The following PDE1A variants were observed in gnomAD, a reference collection of about 807,000 sequenced individuals.
The protein encoded by PDE1A is dual specificity calcium/calmodulin-dependent 3',5'-cyclic nucleotide phosphodiesterase 1A.
Under a neutral mutation model 61.7 loss-of-function variants are expected in PDE1A, and 35 were observed. The ratio of observed to expected loss-of-function variants is 0.57; its 90% CI spans 0.43 to 0.75. The LOEUF (loss-of-function observed/expected upper bound fraction) is 0.75. PDE1A is among the 30% of genes least tolerant of loss of function. PDE1A has a pLI of 0.00. For missense variants in PDE1A, 597 were observed against 630.6 expected (o/e 0.95, Z 0.57); for synonymous variants, 232 against 213.2 (o/e 1.09, Z -0.77).
chr2:182,599,191 A>ACTGC, the PDE1A span, among the ~76,000 whole-genome samples: 1 of 152,062 alleles, frequency 6.6e-6, no homozygotes, highest in African/African-American at 2.4e-5. Flanking sequence ...GACTGCTCCC[A>ACTGC]CTGCCTGGCT....
At chr2:182,523,953 C>T (rs916211201), upstream of PDE1A, among the ~76,000 whole-genome samples, 3 of 152,068 alleles carry the variant, frequency 2.0e-5, no homozygotes, top group African/African-American at 7.2e-5. Context: ...TTCTGATTTG[C>T]AAATTATAAG....
intron 1 of PDE1A, among the ~76,000 whole-genome samples, chr2:182,359,751 A>C (rs1449920047): frequency 2.6e-5 from 4 of 152,130 alleles, no homozygotes; most frequent in Non-Finnish European, 5.9e-5. Context: ...AAAAGGTTAC[A>C]GAAGGCATTT....
At chr2:182,306,481 C>A (rs62190531) in intron 1 of PDE1A, among the ~76,000 whole-genome samples, 57,513 of 151,402 alleles carry the variant, frequency 0.38, 11,488 homozygotes, top group Non-Finnish European at 0.47. Context: ...TGGAACCACA[C>A]ACACACACAC....
At chr2:182,696,265 G>A in the PDE1A span, among the ~76,000 whole-genome samples, 2 of 152,126 alleles carry the variant, frequency 1.3e-5, no homozygotes, top group Non-Finnish European at 2.9e-5. Flanking sequence ...TCCAGACAAC[G>A]GGATATTATT....
intron 1 of PDE1A, among the ~76,000 whole-genome samples, chr2:182,289,920 TGGATCAA>T (rs1384309709): frequency 6.6e-6 from 1 of 152,124 alleles, no homozygotes. Context: ...CAGCTATGTA[TGGATCAA>T]ACATATTCTG....
chr2:182,541,372 T>C, the PDE1A span, among the ~76,000 whole-genome samples: 1 of 152,156 alleles, frequency 6.6e-6, no homozygotes, highest in Non-Finnish European at 1.5e-5. Context: ...CCAACAGAGA[T>C]TAAGATAAGC....
chr2:182,359,871 A>T (rs904914660), intron 1 of PDE1A, among the ~76,000 whole-genome samples: 1 of 152,150 alleles, frequency 6.6e-6, no homozygotes, highest in African/African-American at 2.4e-5. Flanking sequence ...TTATCTTGAG[A>T]TTGCCAAGGA....
intron 2 of PDE1A, among the ~76,000 whole-genome samples, chr2:182,464,780 A>T (rs777511898): frequency 1.1e-4 from 16 of 152,160 alleles, no homozygotes; most frequent in Admixed American, 2.6e-4. Flanking sequence ...GTAAGGAGGG[A>T]TTCTGGCTAA....
Position 182,385,985 on chromosome 2 carries a change from G to T in PDE1A, c.53+40593C>A, listed in dbSNP as rs995986191. 2.6e-5 allele frequency among the ~76,000 whole-genome samples: 4 copies of T among 152,170 alleles called. No individual in the cohort carries two copies. The South Asian group carries it at 8.3e-4, about 31-fold the overall frequency. On this transcript the variant is annotated intron_variant, in intron 1 of 13. Transcript: ENST00000351439. The stretch of plus-strand genomic sequence containing the variant: ...CCTGATTCTTCTGCCTCAGCCTGCC[G>T]AGTGCCTGTGATTGCGGGCGTGTGC...
intron 1 of PDE1A, among the ~76,000 whole-genome samples, chr2:182,396,602 CATTTT>C (rs1456611155): frequency 6.6e-6 from 1 of 152,182 alleles, no homozygotes; most frequent in Non-Finnish European, 1.5e-5. Context: ...AAAATATCTT[CATTTT>C]ATTTCCTTTC....
At chr2:182,358,792 G>A (rs1444485565) in intron 1 of PDE1A, among the ~76,000 whole-genome samples, 1 of 152,100 alleles carries the variant, frequency 6.6e-6, no homozygotes, top group East Asian at 1.9e-4. Flanking sequence ...TGTTACAGAT[G>A]AGGAAACTGA....
At chr2:182,589,044 A>AAATAATAAT in the PDE1A span, among the ~76,000 whole-genome samples, 60 of 138,202 alleles carry the variant, frequency 4.3e-4, no homozygotes, top group Non-Finnish European at 6.5e-4. Context: ...CTCTGTCTCA[A>AAATAATAAT]AATAATAATA....
chr2:182,615,525 A>G, the PDE1A span, among the ~76,000 whole-genome samples: 1 of 152,368 alleles, frequency 6.6e-6, no homozygotes. Context: ...CCCTATTAAG[A>G]TTAAATATAA....
At chr2:182,459,950 C>T (rs955201436) in intron 2 of PDE1A, among the ~76,000 whole-genome samples, 1 of 152,046 alleles carries the variant, frequency 6.6e-6, no homozygotes. Context: ...CACTTTAAAC[C>T]CTTAAGGTCA....
At chr2:182,167,843 T>C (rs1691738796), downstream of PDE1A, 4 of 914,580 alleles carry the variant, frequency 4.4e-6, no homozygotes, top group African/African-American at 7.1e-5. Context: ...TTTTTTTTAA[T>C]TTGCACTACA....
At chr2:182,631,538 G>C in the PDE1A span, among the ~76,000 whole-genome samples, 1 of 152,030 alleles carries the variant, frequency 6.6e-6, no homozygotes, top group African/African-American at 2.4e-5. Context: ...GCCTTCACAG[G>C]CATACCCCCC....
intron 2 of PDE1A, among the ~76,000 whole-genome samples, chr2:182,491,710 G>C (rs75690896): frequency 0.012 from 1,810 of 152,250 alleles, 37 homozygotes; most frequent in African/African-American, 0.041. Context: ...TTATGAGATA[G>C]AATGTTATTT....
chr2:182,225,634 G>C (rs376618437), intron 6 of PDE1A, among the ~76,000 whole-genome samples: 7 of 151,872 alleles, frequency 4.6e-5, no homozygotes, highest in African/African-American at 1.7e-4. Context: ...TGGTGAAAAT[G>C]GCATTAGTAA....
the PDE1A span, among the ~76,000 whole-genome samples, chr2:182,558,227 C>T: frequency 6.6e-6 from 1 of 151,472 alleles, no homozygotes; most frequent in Non-Finnish European, 1.5e-5. Context: ...AACAGTTTGA[C>T]AACTCTTTTT....
Sources: gnomAD v4.1 joint callset for allele counts (sites outside exome capture counted in the v4.1 genomes callset) on GRCh38, gnomAD v4.1.1 for gene constraint, MANE v1.5 for transcripts, NCBI Gene and HGNC (gene_info 2026-07-23, HGNC 2026-07-21) for gene names.